The following SLIT1 variants were observed in gnomAD, a reference collection of about 807,000 sequenced individuals.
SLIT1 encodes the protein slit guidance ligand 1, also known as slit homolog 1 protein.
A neutral mutation model predicts 186.1 loss-of-function variants in SLIT1; 66 were observed. The observed-to-expected ratio is 0.35, with a 90% CI of 0.29 to 0.44. The LOEUF (loss-of-function observed/expected upper bound fraction) is 0.44, where lower values mean the gene tolerates loss of function less well. SLIT1 is among the 20% of genes least tolerant of loss of function. The pLI, the probability that SLIT1 is intolerant of heterozygous loss-of-function variation, is 1.00. For missense variants in SLIT1, 1,638 were observed against 2,037.4 expected (o/e 0.80, Z 3.77); for synonymous variants, 761 against 833.8 (o/e 0.91, Z 1.50).
chr10:97,047,216 GCCT>G (rs1848742518), intron 16 of SLIT1, 151 bp from the exon 17 acceptor site: 1 of 623,242 alleles, frequency 1.6e-6, no homozygotes, highest in African/African-American at 1.8e-5. Context: ...GGAAGGCTGG[GCCT>G]AGTACTGGGA....
intron 4 of SLIT1, among the ~76,000 whole-genome samples, chr10:97,111,938 C>A (rs1336229041): frequency 1.3e-5 from 2 of 152,186 alleles, no homozygotes; most frequent in Non-Finnish European, 2.9e-5. Flanking sequence ...GCCAGAGGCT[C>A]CCCATCACTT....
At chr10:97,045,670 G>T (rs1230015499) in intron 18 of SLIT1, among the ~76,000 whole-genome samples, 1 of 152,194 alleles carries the variant, frequency 6.6e-6, no homozygotes, top group Non-Finnish European at 1.5e-5. Context: ...CAGCCTATAG[G>T]AACAGCCTGG....
chr10:97,065,969 G>A (rs1007115407), intron 5 of SLIT1, 46 bp downstream of exon 5: 1 of 1,375,894 alleles, frequency 7.3e-7, no homozygotes, highest in Non-Finnish European at 1.0e-6. Flanking sequence ...TGCCAGGAGT[G>A]GCCCTGGAGC....
Position 97,002,510 on chromosome 10 carries a change from G to A in SLIT1, c.4155-141C>T, listed in dbSNP as rs1848320390. On this transcript the variant is annotated intron_variant, in intron 35 of 36. Transcript: ENST00000266058. The stretch of plus-strand genomic sequence containing the variant: ...ATCTGTTCCCAAAACTGAAACAAAG[G>A]GAGTTGCATGCGACTATGTGTGTGT... 3 of 751,910 alleles carry A rather than the reference G, an allele frequency of 4.0e-6. No homozygotes were observed. The African/African-American group carries it at 5.3e-5, about 13-fold the overall frequency. 46.6% of individuals were successfully genotyped at this position (751,910 alleles called of 1,614,324 possible).
At chr10:97,087,061 C>T (rs1489578538) in intron 4 of SLIT1, among the ~76,000 whole-genome samples, 1 of 150,652 alleles carries the variant, frequency 6.6e-6, no homozygotes, top group Non-Finnish European at 1.5e-5. Context: ...TACTGTGAAC[C>T]TAAAACTGCT....
At chr10:97,118,548 G>A (rs962394225) in intron 4 of SLIT1, among the ~76,000 whole-genome samples, 1 of 152,158 alleles carries the variant, frequency 6.6e-6, no homozygotes, top group Admixed American at 6.5e-5. Flanking sequence ...GCCGTCGCAG[G>A]TTCTGACCTT....
intron 3 of SLIT1, among the ~76,000 whole-genome samples, chr10:97,162,786 G>A (rs951779145): frequency 6.6e-6 from 1 of 152,042 alleles, no homozygotes; most frequent in African/African-American, 2.4e-5. Flanking sequence ...CGACCACCGT[G>A]AACATGATGA....
chr10:97,135,436 C>T lies in SLIT1; in HGVS notation c.413+22382G>A, dbSNP rs566527393. On this transcript the variant is annotated intron_variant, in intron 4 of 36. Coordinates refer to ENST00000266058, the MANE Select transcript of SLIT1 (RefSeq NM_003061.3). ...AGAACACAGACTTGAAGAGCCAGGG[C>T]AACAGAACAGTATTCCTTTGGGAGG... Among the ~76,000 whole-genome samples the T allele has an allele frequency of 2.0e-5, 3 of 152,286 alleles. No individual in the cohort carries two copies. In the South Asian group the frequency reaches 6.2e-4, roughly 32 times the overall value.
intron 21 of SLIT1, among the ~76,000 whole-genome samples, chr10:97,038,025 C>T (rs1848656164): frequency 6.6e-6 from 1 of 152,182 alleles, no homozygotes; most frequent in Admixed American, 6.5e-5. Context: ...CTTCCCTTCT[C>T]ACCCTCCCAG....
rs974760928 is a variant in SLIT1 at position 97,027,712 on chromosome 10, A to G, written c.2582+3045T>C. The stretch of plus-strand genomic sequence containing the variant: ...ATTTATAGATGGGTATAGGCTCAAC[A>G]TTTGTTTTTGCAGCTTTGGTTTTTT... On this transcript the variant is annotated intron_variant, in intron 25 of 36. Transcript: ENST00000266058. 2.6e-5 allele frequency among the ~76,000 whole-genome samples: 4 copies of G among 152,180 alleles called. No homozygotes were observed. The South Asian group carries it at 6.2e-4, about 24-fold the overall frequency.
chr10:97,071,863 C>T (rs1158242492), intron 4 of SLIT1, among the ~76,000 whole-genome samples: 1 of 152,184 alleles, frequency 6.6e-6, no homozygotes, highest in Non-Finnish European at 1.5e-5. Flanking sequence ...ACACTAGATC[C>T]TTATAATTAA....
chr10:97,087,789 TG>T (rs1207880681), intron 4 of SLIT1, among the ~76,000 whole-genome samples: 1 of 152,088 alleles, frequency 6.6e-6, no homozygotes, highest in East Asian at 1.9e-4. Flanking sequence ...AGCTGGGCGC[TG>T]GGGGGATGGA....
chr10:97,110,747 G>A (rs1467002278), intron 4 of SLIT1, among the ~76,000 whole-genome samples: 1 of 152,192 alleles, frequency 6.6e-6, no homozygotes, highest in Admixed American at 6.5e-5. Context: ...GTTGGAGAGG[G>A]AACGGGACCT....
rs563358910 is a variant in SLIT1, at chr10:97,062,544, A to T, written c.793+911T>A. Among the ~76,000 whole-genome samples the T allele has an allele frequency of 5.3e-5, 8 of 152,366 alleles. No individual in the cohort carries two copies. In the South Asian group the frequency reaches 1.7e-3, roughly 32 times the overall value. ...CACCAGAAACACAATGCGGGACCTC[A>T]TGTAGGATCACAGAAGGCTCCCTGG... On this transcript the variant is annotated intron_variant, in intron 8 of 36. Transcript: ENST00000266058.
chr10:97,043,131 C>A lies in SLIT1; in HGVS notation c.1998-64G>T. On this transcript the variant is annotated intron_variant, in intron 19 of 36. Transcript: ENST00000266058. The surrounding 1 kb of genome is among the most constrained non-coding windows in gnomAD (Gnocchi z 7.0). ...CCCCTCTCAGAGGTCCCAGCAAACCCCTCCTGTACCACGGACACAGGGCCA... is the reference window on the plus strand; with the variant it reads ...CCCCTCTCAGAGGTCCCAGCAAACCACTCCTGTACCACGGACACAGGGCCA... 6.5e-7 allele frequency: 1 copy of A among 1,543,212 alleles called. No homozygotes were observed. Among genetic ancestry groups the A allele is most frequent in the Admixed American group, 1.8e-5 (1 of 56,040 alleles).
At chr10:97,122,744 G>A (rs1806338480) in intron 4 of SLIT1, among the ~76,000 whole-genome samples, 1 of 152,126 alleles carries the variant, frequency 6.6e-6, no homozygotes, top group South Asian at 2.1e-4. Context: ...TGCCAGTGAT[G>A]CTTCCTGGGA....
At chr10:97,013,695 C>T in intron 30 of SLIT1, 46 bp downstream of exon 30, 1 of 1,399,554 alleles carries the variant, frequency 7.1e-7, no homozygotes, top group Non-Finnish European at 9.9e-7. Flanking sequence ...CAGTCTGACT[C>T]AGGGGCCTGA....
intron 4 of SLIT1, among the ~76,000 whole-genome samples, chr10:97,118,125 G>A (rs199589223): frequency 6.6e-5 from 10 of 152,076 alleles, no homozygotes; most frequent in Admixed American, 3.9e-4. Flanking sequence ...ATCACAGTAC[G>A]CTCACATTTC....
intron 4 of SLIT1, among the ~76,000 whole-genome samples, chr10:97,151,269 C>T (rs76330635): frequency 0.06 from 8,990 of 149,998 alleles, 614 homozygotes; most frequent in African/African-American, 0.17. Flanking sequence ...TGAGCAGGAG[C>T]GAATACAGGG....
Sources: allele counts gnomAD v4.1 joint callset (sites outside exome capture counted in the v4.1 genomes callset), GRCh38; gene constraint gnomAD v4.1.1; non-coding constraint Gnocchi (gnomAD v3.1); transcripts MANE v1.5; gene names NCBI Gene and HGNC (gene_info 2026-07-23, HGNC 2026-07-21).